OSBPL10: variants seen among roughly 807,000 people sequenced by gnomAD.
The protein encoded by OSBPL10 is oxysterol-binding protein-related protein 10.
In OSBPL10, 49 loss-of-function variants were observed where a neutral mutation model predicts 81.7. The observed-to-expected ratio is 0.60, with a 90% CI of 0.48 to 0.76. The LOEUF is 0.76. Among genes scored for constraint, OSBPL10 ranks in the 30% least tolerant of loss-of-function variants. The pLI is 0.00. For missense variants in OSBPL10, 923 were observed against 987.8 expected (o/e 0.93, Z 0.88); for synonymous variants, 419 against 383.6 (o/e 1.09, Z -1.08).
At chr3:31,999,908 C>T (rs1699128623) in intron 2 of OSBPL10, among the ~76,000 whole-genome samples, 1 of 152,126 alleles carries the variant, frequency 6.6e-6, no homozygotes, top group African/African-American at 2.4e-5. Flanking sequence ...CATTCGATTC[C>T]CTTGCCCTTA....
intron 4 of OSBPL10, among the ~76,000 whole-genome samples, chr3:31,816,269 T>C (rs138442996): frequency 5.9e-5 from 9 of 152,242 alleles, no homozygotes; most frequent in African/African-American, 1.7e-4. Flanking sequence ...GTAACTTTCA[T>C]GTCAGTTTAA....
At chr3:31,782,778 C>CA (rs1698730173) in intron 4 of OSBPL10, among the ~76,000 whole-genome samples, 1 of 151,936 alleles carries the variant, frequency 6.6e-6, no homozygotes, top group Non-Finnish European at 1.5e-5. Context: ...ATTTAAAAAT[C>CA]AAAAAATAAC....
intron 6 of OSBPL10, among the ~76,000 whole-genome samples, chr3:31,731,383 T>C (rs1276508506): frequency 6.6e-6 from 1 of 152,122 alleles, no homozygotes; most frequent in African/African-American, 2.4e-5. Flanking sequence ...AAATGACAAC[T>C]AGAAATTAAT....
intron 4 of OSBPL10, among the ~76,000 whole-genome samples, chr3:31,770,301 C>T (rs1465062908): frequency 4.6e-5 from 7 of 152,076 alleles, no homozygotes; most frequent in Non-Finnish European, 1.0e-4. Flanking sequence ...CTGTTAATGC[C>T]ATATCATTCC....
At chr3:32,052,019 G>A (rs1467095155) in intron 1 of OSBPL10, among the ~76,000 whole-genome samples, 3 of 152,090 alleles carry the variant, frequency 2.0e-5, no homozygotes, top group Non-Finnish European at 4.4e-5. Flanking sequence ...GGCTGAGGTA[G>A]GTGATCACCT....
At chr3:31,861,674 A>G (rs1014214363) in intron 3 of OSBPL10, among the ~76,000 whole-genome samples, 2 of 152,182 alleles carry the variant, frequency 1.3e-5, no homozygotes, top group African/African-American at 4.8e-5. Context: ...TGCACTGGTT[A>G]TCTATTACTG....
chr3:31,724,838 A>C (rs1408000415), intron 6 of OSBPL10, among the ~76,000 whole-genome samples: 1 of 152,166 alleles, frequency 6.6e-6, no homozygotes. Context: ...GGGCAGAAAG[A>C]TGCTGTTTTG....
chr3:31,811,318 A>G (rs1395676484), intron 4 of OSBPL10, among the ~76,000 whole-genome samples: 1 of 152,172 alleles, frequency 6.6e-6, no homozygotes, highest in Non-Finnish European at 1.5e-5. Flanking sequence ...TTGATGAGGA[A>G]GCCTCCACCC....
At chr3:31,679,220 C>G (rs1700574003) in intron 8 of OSBPL10, among the ~76,000 whole-genome samples, 5 of 152,216 alleles carry the variant, frequency 3.3e-5, no homozygotes, top group Admixed American at 3.3e-4. Flanking sequence ...GCTGCTCTAT[C>G]TTGCTGAGGT....
chr3:31,695,951 G>A (rs1695708978), intron 7 of OSBPL10, among the ~76,000 whole-genome samples: 1 of 152,168 alleles, frequency 6.6e-6, no homozygotes, highest in South Asian at 2.1e-4. Context: ...TCACACGTCA[G>A]TATGCATACA....
chr3:31,962,260 A>T (rs138279596), intron 1 of OSBPL10, among the ~76,000 whole-genome samples: 2,839 of 152,312 alleles, frequency 0.019, 50 homozygotes, highest in Middle Eastern at 0.041. Context: ...CCTGGCCGGC[A>T]TCACCAATTT....
intron 1 of OSBPL10, among the ~76,000 whole-genome samples, chr3:31,972,565 C>T (rs1177190241): frequency 6.6e-6 from 1 of 152,112 alleles, no homozygotes; most frequent in Non-Finnish European, 1.5e-5. Context: ...CTAATCTACT[C>T]GATTGCCCTG....
chr3:31,932,652 T>C (rs1341080140), intron 1 of OSBPL10, among the ~76,000 whole-genome samples: 1 of 152,112 alleles, frequency 6.6e-6, no homozygotes, highest in Non-Finnish European at 1.5e-5. Context: ...ACTCCCCATG[T>C]CACAAAGAGG....
intron 6 of OSBPL10, among the ~76,000 whole-genome samples, chr3:31,711,360 T>G (rs1575492527): frequency 1.3e-5 from 2 of 152,134 alleles, no homozygotes; most frequent in East Asian, 3.8e-4. Flanking sequence ...CTGTGATCAA[T>G]TAGTAATATC....
At chr3:31,758,707 T>C (rs534368961) in intron 4 of OSBPL10, among the ~76,000 whole-genome samples, 5 of 152,354 alleles carry the variant, frequency 3.3e-5, no homozygotes, top group African/African-American at 1.2e-4. Context: ...CCCTGGATCA[T>C]GTTAATGCTG....
intron 1 of OSBPL10, among the ~76,000 whole-genome samples, chr3:31,908,843 G>A (rs139530210): frequency 6.6e-6 from 1 of 152,314 alleles, no homozygotes; most frequent in Non-Finnish European, 1.5e-5. Context: ...GAGGAGATGA[G>A]CGGCTCCCCC....
chr3:31,942,175 T>C (rs1697551416), intron 1 of OSBPL10, among the ~76,000 whole-genome samples: 1 of 151,980 alleles, frequency 6.6e-6, no homozygotes, highest in Non-Finnish European at 1.5e-5. Flanking sequence ...CTCGGGAGGC[T>C]GAGGTAGAAC....
In OSBPL10 at chr3:31,761,007, T is replaced by C. The variant is rs117776100; in HGVS notation, c.730-12887A>G. Among the ~76,000 whole-genome samples the C allele has an allele frequency of 7.0e-3, 1,068 of 151,814 alleles. 38 individuals carry two copies. The highest frequency in any genetic ancestry group is 0.036 in the East Asian group (184 of 5,174). On this transcript the variant is annotated intron_variant, in intron 4 of 11. Coordinates refer to ENST00000396556, the MANE Select transcript of OSBPL10 (RefSeq NM_017784.5). ...TTTATAAATACTGCCAGCTCACAACTAAAAAAAATTGTAACAATTTGTATT... is the reference window on the plus strand; with the variant it reads ...TTTATAAATACTGCCAGCTCACAACCAAAAAAAATTGTAACAATTTGTATT...
chr3:32,025,948 T>G (rs1699401697), intron 2 of OSBPL10, among the ~76,000 whole-genome samples: 1 of 151,988 alleles, frequency 6.6e-6, no homozygotes, highest in South Asian at 2.1e-4. Flanking sequence ...CCTGCTCTGG[T>G]CTTTGCTATA....
Sources: gnomAD v4.1 joint callset for allele counts (sites outside exome capture counted in the v4.1 genomes callset) on GRCh38, gnomAD v4.1.1 for gene constraint, MANE v1.5 for transcripts, NCBI Gene and HGNC (gene_info 2026-07-23, HGNC 2026-07-21) for gene names.